WRN: variants seen among roughly 807,000 people sequenced by gnomAD.
The protein encoded by WRN is bifunctional 3'-5' exonuclease/ATP-dependent helicase WRN.
Under a neutral mutation model 180.7 loss-of-function variants are expected in WRN, and 149 were observed. That is an observed-to-expected ratio of 0.82 (90% CI 0.72 to 0.94). WRN has a LOEUF of 0.94. Among genes scored for constraint, WRN ranks in the 40% least tolerant of loss-of-function variants. The pLI, the probability that WRN is intolerant of heterozygous loss-of-function variation, is 0.00. For synonymous variants in WRN, 548 were observed against 568.9 expected (o/e 0.96, Z 0.52); for missense variants, 1,661 against 1,700.1 (o/e 0.98, Z 0.40).
chr8:31,131,181 T>C (rs1802155694), intron 23 of WRN, among the ~76,000 whole-genome samples: 1 of 121,192 alleles, frequency 8.3e-6, no homozygotes, highest in Non-Finnish European at 1.8e-5. Context: ...AGACAGAGTT[T>C]TGCTCTTGTC....
At chr8:31,060,486 C>A (rs1012141314) in intron 3 of WRN, among the ~76,000 whole-genome samples, 1 of 152,112 alleles carries the variant, frequency 6.6e-6, no homozygotes, top group African/African-American at 2.4e-5. Context: ...CTGCAGTGAG[C>A]CTTGATCACA....
chr8:31,088,841 G>A (rs1186272852), intron 12 of WRN, 49 bp from the exon 13 acceptor site: 1 of 1,459,016 alleles, frequency 6.9e-7, no homozygotes, highest in Non-Finnish European at 9.5e-7. Context: ...CTCCCTCTAT[G>A]TGGTGTTTTT....
intron 34 of WRN, among the ~76,000 whole-genome samples, chr8:31,168,974 TC>T (rs1315692694): frequency 6.6e-6 from 1 of 152,156 alleles, no homozygotes; most frequent in African/African-American, 2.4e-5. Flanking sequence ...CATGGTGGAT[TC>T]TTTAAATATT....
chr8:31,144,225 G>C (rs1349922704), intron 28 of WRN, among the ~76,000 whole-genome samples: 1 of 151,976 alleles, frequency 6.6e-6, no homozygotes, highest in Admixed American at 6.6e-5. Flanking sequence ...TATTTTGGTA[G>C]TTCTTGACTG....
Position 31,064,958 on chromosome 8 carries a change from T to G in WRN, c.399T>G (p.Val133=). The change falls in exon 5 of 35, where the codon GTT becomes GTG. Residue 133 remains valine, a synonymous_variant. Transcript: ENST00000298139. ...GLKMLLENKA[V]KKAGVGIEGD... The stretch of plus-strand genomic sequence containing the variant: ...AAATGTTGCTTGAAAATAAAGCAGT[T>G]AAAAAGGCAGGTGTAGGAATTGAAG... 6.2e-7 allele frequency: 1 copy of G among 1,613,702 alleles called. No homozygotes were observed. Among genetic ancestry groups the G allele is most frequent in the Non-Finnish European group, 8.5e-7 (1 of 1,179,774 alleles).
At chr8:31,162,757 G>C (rs1417060937) in intron 33 of WRN, among the ~76,000 whole-genome samples, 9 of 152,098 alleles carry the variant, frequency 5.9e-5, no homozygotes, top group Admixed American at 5.9e-4. Flanking sequence ...TAATCTAATG[G>C]ATACTTGTTC....
intron 21 of WRN, 91 bp downstream of exon 21, chr8:31,120,515 C>T: frequency 8.0e-7 from 1 of 1,251,286 alleles, no homozygotes; most frequent in Non-Finnish European, 1.1e-6. Context: ...TCCAGTATCC[C>T]AAGTAATTTG....
chr8:31,115,475 C>T (rs757285984), intron 19 of WRN, among the ~76,000 whole-genome samples: 1 of 152,066 alleles, frequency 6.6e-6, no homozygotes, highest in Non-Finnish European at 1.5e-5. Flanking sequence ...TAATGATGAA[C>T]ATTTAGATGA....
chr8:31,171,897 G>A (rs935641106), intron 34 of WRN, among the ~76,000 whole-genome samples: 34 of 152,194 alleles, frequency 2.2e-4, no homozygotes, highest in African/African-American at 7.7e-4. Flanking sequence ...CAGACACCTT[G>A]TACCTTAGAT....
intron 16 of WRN, among the ~76,000 whole-genome samples, chr8:31,094,491 A>G (rs1224442509): frequency 6.6e-6 from 1 of 151,782 alleles, no homozygotes; most frequent in African/African-American, 2.4e-5. Context: ...GACTGTAGGC[A>G]TATGTTACCA....
At chr8:31,036,366 C>A (rs1057244992) in intron 1 of WRN, among the ~76,000 whole-genome samples, 2 of 152,142 alleles carry the variant, frequency 1.3e-5, no homozygotes, top group South Asian at 4.1e-4. Flanking sequence ...ATTTCATTTC[C>A]CTTGAATATA....
intron 23 of WRN, among the ~76,000 whole-genome samples, chr8:31,132,042 A>C (rs375409925): frequency 2.1e-5 from 3 of 146,312 alleles, no homozygotes; most frequent in East Asian, 2.0e-4. Flanking sequence ...GAGCTGTTCT[A>C]GCTATAAATA....
intron 18 of WRN, 95 bp downstream of exon 18, chr8:31,101,050 T>C: frequency 1.0e-6 from 1 of 986,908 alleles, no homozygotes; most frequent in Non-Finnish European, 1.6e-6. Context: ...GACTTCACTA[T>C]AAAAGAGCAA....
intron 18 of WRN, among the ~76,000 whole-genome samples, chr8:31,106,989 G>T (rs943645290): frequency 2.6e-5 from 4 of 152,134 alleles, no homozygotes; most frequent in African/African-American, 9.7e-5. Context: ...ATAAATAGCT[G>T]CACCATACAA....
At chr8:31,137,173 C>T (rs1315067401) in intron 24 of WRN, among the ~76,000 whole-genome samples, 1 of 151,672 alleles carries the variant, frequency 6.6e-6, no homozygotes. Context: ...TCATCCTCTT[C>T]ATGGTGATTG....
At chr8:31,133,176 A>AT (rs965889425) in intron 24 of WRN, among the ~76,000 whole-genome samples, 5 of 152,040 alleles carry the variant, frequency 3.3e-5, no homozygotes, top group South Asian at 2.1e-4. Context: ...CCTTTATATG[A>AT]TTTTTTCCCC....
chr8:31,138,102 CA>C (rs1206738860), intron 24 of WRN, among the ~76,000 whole-genome samples: 25 of 143,496 alleles, frequency 1.7e-4, no homozygotes, highest in Non-Finnish European at 1.8e-4. Flanking sequence ...ACCCTGTCTC[CA>C]AAAAAAAAAA....
At chr8:31,085,770 C>T (rs1455951498) in intron 11 of WRN, among the ~76,000 whole-genome samples, 1 of 152,064 alleles carries the variant, frequency 6.6e-6, no homozygotes, top group East Asian at 1.9e-4. Flanking sequence ...CGCATCCAGC[C>T]CTGTGTTCCT....
At chr8:31,057,415 CA>C (rs1329570392) in intron 1 of WRN, among the ~76,000 whole-genome samples, 19 of 151,762 alleles carry the variant, frequency 1.3e-4, no homozygotes, top group Non-Finnish European at 2.4e-4. Context: ...CTAAAACATG[CA>C]AAAAATTAGC....
Sources: allele counts gnomAD v4.1 joint callset (sites outside exome capture counted in the v4.1 genomes callset), GRCh38; gene constraint gnomAD v4.1.1; transcripts MANE v1.5; gene names NCBI Gene and HGNC (gene_info 2026-07-23, HGNC 2026-07-21).